The following PBRM1 variants were observed in gnomAD, a reference collection of about 807,000 sequenced individuals.
PBRM1 encodes protein polybromo-1.
A neutral mutation model predicts 194.5 loss-of-function variants in PBRM1; 27 were observed. That is an observed-to-expected ratio of 0.14 (90% confidence interval 0.10 to 0.19). The LOEUF (loss-of-function observed/expected upper bound fraction) is 0.19. Among genes scored for constraint, PBRM1 ranks in the 10% least tolerant of loss-of-function variants. The pLI is 1.00. For missense variants in PBRM1, 1,466 were observed against 2,077.2 expected (o/e 0.71, Z 5.72); for synonymous variants, 655 against 693.2 (o/e 0.94, Z 0.87).
At chr3:52,666,709 G>C (rs1180815814) in intron 3 of PBRM1, among the ~76,000 whole-genome samples, 1 of 151,712 alleles carries the variant, frequency 6.6e-6, no homozygotes, top group Non-Finnish European at 1.5e-5. Flanking sequence ...TGGGCAACAC[G>C]GTGAAATCCC....
chr3:52,639,771 A>G, intron 10 of PBRM1, among the ~76,000 whole-genome samples: 1 of 142,122 alleles, frequency 7.0e-6, no homozygotes, highest in Non-Finnish European at 1.5e-5. Context: ...GGGTGTTTCT[A>G]TGTCGAGCAG....
At chr3:52,578,368 A>T (rs1396687694) in intron 21 of PBRM1, among the ~76,000 whole-genome samples, 1 of 152,210 alleles carries the variant, frequency 6.6e-6, no homozygotes, top group Non-Finnish European at 1.5e-5. Flanking sequence ...CCTGGTAAAT[A>T]GTAGGTATAA....
At chr3:52,550,142 T>C (rs1240080348) in intron 29 of PBRM1, among the ~76,000 whole-genome samples, 1 of 151,942 alleles carries the variant, frequency 6.6e-6, no homozygotes, top group Non-Finnish European at 1.5e-5. Context: ...CAGTTGAACC[T>C]GGAAGGCGGA....
At chr3:52,573,426 T>C (rs542644764) in intron 22 of PBRM1, among the ~76,000 whole-genome samples, 1 of 152,286 alleles carries the variant, frequency 6.6e-6, no homozygotes, top group East Asian at 1.9e-4. Flanking sequence ...CTCTAGTAGC[T>C]GGGATTACAG....
rs1039664355 is a variant in PBRM1 at position 52,633,338 on chromosome 3, G to C, written c.1301+1264C>G. On this transcript the variant is annotated intron_variant, in intron 11 of 29. Coordinates refer to ENST00000296302, the Ensembl canonical transcript of PBRM1. ...ATGTCCTCAAGCTTCATCCATGTTA[G>C]AGCGTTTCAAAATTTCTTTTAAAGA... Among the ~76,000 whole-genome samples, 3 of 152,092 alleles carry C rather than the reference G, an allele frequency of 2.0e-5. No homozygotes were observed. In the East Asian group the frequency reaches 5.8e-4, roughly 29 times the overall value.
downstream of PBRM1, chr3:52,546,558 G>T (rs966071499): frequency 8.7e-6 from 2 of 229,982 alleles, no homozygotes; most frequent in African/African-American, 4.4e-5. Flanking sequence ...TAAACATCTG[G>T]GTACTGATTC....
At chr3:52,550,562 T>A (rs2080699631) in exon 29 of PBRM1, 1 of 1,550,090 alleles carries the variant, frequency 6.5e-7, no homozygotes, top group Admixed American at 2.0e-5. Flanking sequence ...GGCTGCTGTA[T>A]GACAGGGGGT....
intron 3 of PBRM1, among the ~76,000 whole-genome samples, chr3:52,662,965 A>G (rs887117910): frequency 5.9e-5 from 9 of 152,190 alleles, no homozygotes; most frequent in African/African-American, 2.2e-4. Context: ...TTGTGGTTTG[A>G]AATTCTTTAA....
chr3:52,607,912 C>T (rs1211827638), intron 16 of PBRM1, among the ~76,000 whole-genome samples: 1 of 152,174 alleles, frequency 6.6e-6, no homozygotes, highest in Non-Finnish European at 1.5e-5. Flanking sequence ...AACTCTATCC[C>T]TGTCTCTTAA....
exon 27 of PBRM1, chr3:52,554,794 A>C: frequency 6.3e-7 from 1 of 1,591,954 alleles, no homozygotes; most frequent in East Asian, 2.3e-5. Flanking sequence ...CCCCAGGGTG[A>C]AGTGGCTGCA....
intron 17 of PBRM1, among the ~76,000 whole-genome samples, chr3:52,590,753 G>A (rs68021750): frequency 0.34 from 52,059 of 152,036 alleles, 9,936 homozygotes; most frequent in Admixed American, 0.46. Context: ...GTGAGCCACC[G>A]TGCCTGGCTA....
intron 20 of PBRM1, among the ~76,000 whole-genome samples, chr3:52,583,521 T>C (rs560809689): frequency 6.6e-6 from 1 of 152,338 alleles, no homozygotes; most frequent in African/African-American, 2.4e-5. Flanking sequence ...TTAGGTATTA[T>C]ACAAACTATT....
chr3:52,663,550 T>C (rs79993196), intron 3 of PBRM1, among the ~76,000 whole-genome samples: 8,994 of 152,290 alleles, frequency 0.059, 358 homozygotes, highest in Non-Finnish European at 0.084. Context: ...CCAACTTCAA[T>C]TTAATGCTCC....
chr3:52,546,997 A>C (rs2079764655), downstream of PBRM1: 1 of 233,346 alleles, frequency 4.3e-6, no homozygotes, highest in Non-Finnish European at 8.5e-6. Context: ...TTGTATATGA[A>C]GGCAATCAAT....
chr3:52,592,072 G>T (rs1300245954), intron 17 of PBRM1, among the ~76,000 whole-genome samples: 3 of 148,392 alleles, frequency 2.0e-5, no homozygotes, highest in Non-Finnish European at 1.5e-5. Context: ...TGATCCACCC[G>T]CCTCAGCCTC....
upstream of PBRM1, chr3:52,682,374 T>TAAAAAAAAAAAAAAAAA (rs34758458): frequency 7.5e-6 from 1 of 132,534 alleles, no homozygotes. Flanking sequence ...TTGACAAGGT[T>TAAAAAAAAAAAAAAAAA]AAAAAAAAAA....
exon 9 of PBRM1, chr3:52,643,269 T>C (rs2096175312): frequency 6.2e-7 from 1 of 1,613,410 alleles, no homozygotes; most frequent in Non-Finnish European, 8.5e-7. Context: ...GCTAGTGGGA[T>C]TTCTCTCTTC....
chr3:52,610,245 A>G (rs932670300), intron 15 of PBRM1, among the ~76,000 whole-genome samples: 9 of 152,254 alleles, frequency 5.9e-5, no homozygotes, highest in Non-Finnish European at 1.2e-4. Context: ...GGTATCCTGG[A>G]GAACTGAGAT....
At chr3:52,576,789 A>G (rs2153662966) in intron 21 of PBRM1, 91 bp from the exon 24 acceptor site, 1 of 913,972 alleles carries the variant, frequency 1.1e-6, no homozygotes, top group Non-Finnish European at 1.7e-6. Flanking sequence ...AAACTTAGTA[A>G]TGTGTACCAT....
Sources: gnomAD v4.1 joint callset for allele counts (sites outside exome capture counted in the v4.1 genomes callset) on GRCh38, gnomAD v4.1.1 for gene constraint, MANE v1.5 for transcripts, NCBI Gene and HGNC (gene_info 2026-07-23, HGNC 2026-07-21) for gene names.